RYR1: variants seen among roughly 807,000 people sequenced by gnomAD.
RYR1 encodes the protein central core disease of muscle.
In RYR1, 342 loss-of-function variants were observed where a neutral mutation model predicts 583.5. That is an observed-to-expected ratio of 0.59 (90% confidence interval 0.54 to 0.64). The LOEUF (loss-of-function observed/expected upper bound fraction) is 0.64. Among genes scored for constraint, RYR1 ranks in the 30% least tolerant of loss-of-function variants. The pLI is 0.00. For missense variants in RYR1, 6,032 were observed against 6,917.2 expected (o/e 0.87, Z 4.54); for synonymous variants, 2,791 against 2,822.5 (o/e 0.99, Z 0.35).
At chr19:38,457,382 C>A in intron 16 of RYR1, 115 bp from the exon 17 acceptor site, 1 of 1,477,204 alleles carries the variant, frequency 6.8e-7, no homozygotes, top group Non-Finnish European at 9.4e-7. Flanking sequence ...TCAAAATTGC[C>A]ACATCTTATC....
chr19:38,586,129 T>G lies in RYR1; in HGVS notation c.14907T>G (p.Phe4969Leu). The G allele has an allele frequency of 6.2e-7, 1 of 1,614,114 alleles. No individual in the cohort carries two copies. Among genetic ancestry groups the G allele is most frequent in the Non-Finnish European group, 8.5e-7 (1 of 1,180,026 alleles). Residue 4969 changes from phenylalanine (F) to leucine (L), a missense_variant, in exon 104 of 106, where the codon TTT (phenylalanine) becomes TTG (leucine). Transcript: ENST00000359596. Reference protein sequence around the residue: ...CFICGIGSDYFDTTPHGFETH... With the variant: ...CFICGIGSDYLDTTPHGFETH... ...TCTGTGGAATCGGCAGTGACTACTT[T>G]GATACGACACCGCATGGCTTCGAGA...
intron 78 of RYR1, among the ~76,000 whole-genome samples, chr19:38,533,864 A>G (rs1405401116): frequency 6.6e-6 from 1 of 152,132 alleles, no homozygotes; most frequent in African/African-American, 2.4e-5. Flanking sequence ...CTGATATTTA[A>G]AGACATCTTT....
intron 73 of RYR1, 84 bp from the exon 74 acceptor site, chr19:38,528,222 G>A (rs909943703): frequency 3.5e-6 from 4 of 1,153,030 alleles, no homozygotes; most frequent in Non-Finnish European, 5.2e-6. Flanking sequence ...TATGGACTTC[G>A]ACACAGCTGG....
intron 63 of RYR1, 89 bp from the exon 64 acceptor site, chr19:38,514,937 T>G (rs1233680597): frequency 1.2e-6 from 1 of 850,858 alleles, no homozygotes; most frequent in East Asian, 2.5e-5. Flanking sequence ...TCTTCCCCAC[T>G]GCATGGGCCT....
rs1326131498 is a variant in RYR1 at position 38,451,403 on chromosome 19, C to T, written c.1123-361C>T. Among the ~76,000 whole-genome samples, 13 of 150,274 alleles carry T rather than the reference C, an allele frequency of 8.7e-5. No individual in the cohort carries two copies. The East Asian group carries it at 1.8e-3, about 20-fold the overall frequency. ...AATTTGGGGGTTAGAGCTTTCTGGT[C>T]GGGGGGAATGTTAAGTCAGCAGTAG... On this transcript the variant is annotated intron_variant, in intron 11 of 105. Coordinates refer to ENST00000359596, the MANE Select transcript of RYR1 (RefSeq NM_000540.3).
In RYR1 at chr19:38,578,018, A is replaced by G. The variant is rs1974034199; in HGVS notation, c.14273A>G (p.Lys4758Arg). Residue 4758 changes from lysine to arginine, a missense_variant, in exon 98 of 106, where the codon AAG becomes AGG. Around this residue, in one of 11 missense-constraint regions of RYR1, gnomAD observed 188 missense variants for 215.6 expected, o/e 0.87. Coordinates refer to ENST00000359596, the MANE Select transcript of RYR1 (RefSeq NM_000540.3). Reference protein sequence around the residue: ...TLEITAHNERKPNPPPGLLTW... With the variant: ...TLEITAHNERRPNPPPGLLTW... ...GAGATCACAGCCCACAATGAGCGCA[A>G]GCCCAACCCGCCGCCAGGGCTGCTG... The G allele has an allele frequency of 8.1e-6, 13 of 1,614,110 alleles. No individual in the cohort carries two copies. Among genetic ancestry groups the G allele is most frequent in the Non-Finnish European group, 1.1e-5 (13 of 1,180,008 alleles).
At chr19:38,546,963 C>A (rs1368652408) in intron 88 of RYR1, among the ~76,000 whole-genome samples, 2 of 150,152 alleles carry the variant, frequency 1.3e-5, no homozygotes, top group African/African-American at 4.9e-5. Context: ...AAAAAACAAA[C>A]CCCAAAAACA....
chr19:38,504,694 G>A, intron 50 of RYR1, 54 bp from the exon 51 acceptor site: 1 of 1,603,876 alleles, frequency 6.2e-7, no homozygotes, highest in Non-Finnish European at 8.5e-7. Context: ...GAGGTCCTGG[G>A]GGTCAGTAAG....
At position 38,572,328 on chromosome 19, in the gene RYR1, C is replaced by T. The variant is rs570887498; in HGVS notation, c.13998+58C>T. 1.4e-4 allele frequency: 109 copies of T among 779,760 alleles called. No individual in the cohort carries two copies. The African/African-American group carries it at 3.2e-3, about 23-fold the overall frequency. 48.3% of individuals were successfully genotyped at this position (779,760 alleles called of 1,614,324 possible). A position where few individuals can be genotyped will look rare whatever the true frequency, so the allele number is the denominator to read the frequency against. On this transcript the variant is annotated intron_variant, in intron 95 of 105. Coordinates refer to ENST00000359596, the MANE Select transcript of RYR1 (RefSeq NM_000540.3). Reference sequence around the variant, plus strand: ...CTTATTGGCTGGGTGGGGGTGGGGGCAGTGCTGGAGCACTGGCTGGGGCTG... The same window carrying T: ...CTTATTGGCTGGGTGGGGGTGGGGGTAGTGCTGGAGCACTGGCTGGGGCTG...
At chr19:38,573,336 G>T (rs1182208966) in intron 96 of RYR1, 29 bp downstream of exon 96, 1 of 1,609,414 alleles carries the variant, frequency 6.2e-7, no homozygotes, top group East Asian at 2.2e-5. Context: ...CCTCAGGGTG[G>T]CAGCAGGAGG....
intron 25 of RYR1, among the ~76,000 whole-genome samples, chr19:38,468,671 T>C (rs1009750382): frequency 1.3e-5 from 2 of 152,224 alleles, no homozygotes; most frequent in Non-Finnish European, 2.9e-5. Context: ...TTACTGCTGC[T>C]TCCAGCCCCC....
chr19:38,533,455 T>C (rs538572825), intron 78 of RYR1, among the ~76,000 whole-genome samples: 1 of 152,284 alleles, frequency 6.6e-6, no homozygotes, highest in Non-Finnish European at 1.5e-5. Context: ...ATTTTAAAAA[T>C]GAATTTGTGA....
chr19:38,527,584 G>A (rs1971521931), intron 72 of RYR1, 63 bp from the exon 73 acceptor site: 2 of 1,604,840 alleles, frequency 1.2e-6, no homozygotes, highest in Non-Finnish European at 8.5e-7. Flanking sequence ...ACGGAAAGGG[G>A]ACATCCGGCG....
intron 18 of RYR1, 145 bp downstream of exon 18, chr19:38,458,437 C>T (rs954426210): frequency 1.6e-5 from 13 of 799,566 alleles, no homozygotes; most frequent in African/African-American, 1.4e-4. Flanking sequence ...TTCCCAAGAC[C>T]CTAACCCCAG....
At chr19:38,568,065 C>A in intron 93 of RYR1, 148 bp downstream of exon 93, 1 of 927,098 alleles carries the variant, frequency 1.1e-6, no homozygotes, top group Non-Finnish European at 1.7e-6. Context: ...CAGAGGTATC[C>A]CCAGACCTGC....
intron 2 of RYR1, among the ~76,000 whole-genome samples, chr19:38,441,757 C>G (rs1972698849): frequency 6.6e-6 from 1 of 151,664 alleles, no homozygotes. Flanking sequence ...GTTTCAGAGT[C>G]TGAGCGAGTG....
intron 90 of RYR1, 120 bp from the exon 91 acceptor site, chr19:38,564,839 C>A (rs1416050269): frequency 6.7e-7 from 1 of 1,492,758 alleles, no homozygotes; most frequent in Admixed American, 2.0e-5. Context: ...AAACAAAATA[C>A]CAACAATGCA....
intron 60 of RYR1, among the ~76,000 whole-genome samples, chr19:38,511,237 A>C (rs1431246306): frequency 6.6e-6 from 1 of 152,280 alleles, no homozygotes; most frequent in Middle Eastern, 3.4e-3. Context: ...TGGAGGCTGC[A>C]GGGAGCTGGG....
intron 76 of RYR1, among the ~76,000 whole-genome samples, chr19:38,531,581 C>A (rs1971742497): frequency 6.6e-6 from 1 of 152,004 alleles, no homozygotes. Flanking sequence ...TTCCATCACT[C>A]CATTTTAGCA....
Sources: gnomAD v4.1 joint callset for allele counts (sites outside exome capture counted in the v4.1 genomes callset) on GRCh38, gnomAD v4.1.1 for gene constraint, gnomAD v4.1.1 regional missense constraint, MANE v1.5 for transcripts, NCBI Gene and HGNC (gene_info 2026-07-23, HGNC 2026-07-21) for gene names.